Variants in FBXL17 observed in about 807,000 individuals in gnomAD.
The protein encoded by FBXL17 is F-box/LRR-repeat protein 17.
A neutral mutation model predicts 66.2 loss-of-function variants in FBXL17; 22 were observed. The ratio of observed to expected loss-of-function variants is 0.33; its 90% confidence interval spans 0.24 to 0.47. The LOEUF is 0.47. Ranked by LOEUF, FBXL17 falls within the 20% of genes least tolerant of loss-of-function variation. The probability of loss-of-function intolerance (pLI) is 1.00; values close to 1 mark genes in which losing one functional copy is unlikely to be tolerated. For missense variants in FBXL17, 878 were observed against 948.2 expected (o/e 0.93, Z 0.97); for synonymous variants, 474 against 400.5 (o/e 1.18, Z -2.19).
rs935687429 is a variant in FBXL17 at position 108,026,000 on chromosome 5, A to G, written c.1746-4999T>C. ...TAATCCAATCCCAGTGCAGTAAACGAATGGGTATAATTTATAGGTTTACTC... is the reference window on the plus strand; with the variant it reads ...TAATCCAATCCCAGTGCAGTAAACGGATGGGTATAATTTATAGGTTTACTC... On this transcript the variant is annotated intron_variant, in intron 6 of 8. Coordinates refer to ENST00000542267, the MANE Select transcript of FBXL17 (RefSeq NM_001163315.3). Among the ~76,000 whole-genome samples the G allele has an allele frequency of 2.6e-5, 4 of 152,306 alleles. No homozygotes were observed. In the East Asian group the frequency reaches 7.7e-4, roughly 29 times the overall value.
chr5:107,874,849 C>T (rs1018128939), intron 8 of FBXL17, among the ~76,000 whole-genome samples: 2 of 152,158 alleles, frequency 1.3e-5, no homozygotes, highest in African/African-American at 2.4e-5. Context: ...TAAAGTGCTC[C>T]TATGTGAAAA....
intron 6 of FBXL17, among the ~76,000 whole-genome samples, chr5:108,086,264 C>G (rs966536596): frequency 6.6e-6 from 1 of 152,092 alleles, no homozygotes; most frequent in Non-Finnish European, 1.5e-5. Flanking sequence ...AGTCCTGCCC[C>G]ATAATCGGGA....
intron 7 of FBXL17, among the ~76,000 whole-genome samples, chr5:107,945,924 T>A (rs952935829): frequency 6.6e-6 from 1 of 152,036 alleles, no homozygotes; most frequent in Non-Finnish European, 1.5e-5. Flanking sequence ...AGACAACCAT[T>A]TTTGGAGGAA....
At chr5:108,214,982 C>G (rs1468489258) in intron 5 of FBXL17, among the ~76,000 whole-genome samples, 1 of 152,146 alleles carries the variant, frequency 6.6e-6, no homozygotes, top group Non-Finnish European at 1.5e-5. Flanking sequence ...TGTAGCTATC[C>G]TCTTTATCAT....
At chr5:108,177,932 T>TATATATATATATATATATATATATAC (rs1242739302) in intron 6 of FBXL17, among the ~76,000 whole-genome samples, 33 of 126,856 alleles carry the variant, frequency 2.6e-4, no homozygotes, top group African/African-American at 8.8e-4. Flanking sequence ...TATATATATA[T>TATATATATATATATATATATATATAC]ACACACACAC....
chr5:108,147,768 C>A (rs1318582087), intron 6 of FBXL17, among the ~76,000 whole-genome samples: 3 of 151,688 alleles, frequency 2.0e-5, no homozygotes, highest in Non-Finnish European at 4.4e-5. Flanking sequence ...CTGCATGATA[C>A]CAAAGATAGA....
intron 4 of FBXL17, among the ~76,000 whole-genome samples, chr5:108,256,458 C>T (rs1467941938): frequency 6.6e-6 from 1 of 152,002 alleles, no homozygotes. Flanking sequence ...CTTGTCTTTC[C>T]ACACCACCTC....
intron 4 of FBXL17, among the ~76,000 whole-genome samples, chr5:108,272,411 TG>T (rs1757314668): frequency 1.3e-5 from 2 of 151,948 alleles, no homozygotes; most frequent in African/African-American, 4.8e-5. Flanking sequence ...TGGATTGCAG[TG>T]GCACAATCTC....
chr5:108,342,669 G>A (rs1580852712), intron 4 of FBXL17, among the ~76,000 whole-genome samples: 1 of 152,224 alleles, frequency 6.6e-6, no homozygotes, highest in East Asian at 1.9e-4. Flanking sequence ...TTTTGACTTT[G>A]ACACCCACCT....
intron 7 of FBXL17, among the ~76,000 whole-genome samples, chr5:107,982,667 A>T (rs867465199): frequency 6.6e-6 from 1 of 152,204 alleles, no homozygotes; most frequent in Non-Finnish European, 1.5e-5. Flanking sequence ...ATACATCCTG[A>T]TTATAATGTC....
intron 4 of FBXL17, among the ~76,000 whole-genome samples, chr5:108,331,354 G>A (rs1263820744): frequency 6.6e-6 from 1 of 152,144 alleles, no homozygotes; most frequent in African/African-American, 2.4e-5. Context: ...TCCATCTGTA[G>A]TGAAAGCAAA....
intron 7 of FBXL17, among the ~76,000 whole-genome samples, chr5:107,885,680 G>T (rs1483262980): frequency 1.3e-5 from 2 of 152,228 alleles, no homozygotes; most frequent in East Asian, 3.9e-4. Context: ...TATATGATGT[G>T]CTACCACCCT....
intron 4 of FBXL17, among the ~76,000 whole-genome samples, chr5:108,314,803 T>C (rs1759283861): frequency 6.6e-6 from 1 of 151,532 alleles, no homozygotes; most frequent in African/African-American, 2.4e-5. Flanking sequence ...TTTTATAATT[T>C]ATAAATTACT....
intron 4 of FBXL17, among the ~76,000 whole-genome samples, chr5:108,242,512 G>C (rs10076022): frequency 0.38 from 57,267 of 151,852 alleles, 11,048 homozygotes; most frequent in East Asian, 0.66. Flanking sequence ...GTAAGCCACT[G>C]TGTCTGGCCT....
intron 7 of FBXL17, among the ~76,000 whole-genome samples, chr5:107,986,927 A>G (rs1753032692): frequency 6.6e-6 from 1 of 152,028 alleles, no homozygotes; most frequent in Non-Finnish European, 1.5e-5. Flanking sequence ...ATGGTTGATC[A>G]CTTTTTTTTT....
intron 6 of FBXL17, among the ~76,000 whole-genome samples, chr5:108,064,108 C>T (rs1187805369): frequency 6.6e-6 from 1 of 151,990 alleles, no homozygotes; most frequent in East Asian, 1.9e-4. Context: ...AACTTTCACT[C>T]GATATTTTAA....
chr5:108,154,614 T>TACACAC (rs1268642771), intron 6 of FBXL17, among the ~76,000 whole-genome samples: 33 of 98,290 alleles, frequency 3.4e-4, no homozygotes, highest in Admixed American at 1.6e-3. Flanking sequence ...AAAATATATA[T>TACACAC]ATACACACAC....
chr5:108,214,250 A>G (rs1454880939), intron 5 of FBXL17, among the ~76,000 whole-genome samples: 1 of 152,204 alleles, frequency 6.6e-6, no homozygotes, highest in African/African-American at 2.4e-5. Context: ...TAAGGCATCC[A>G]CTGGGGGTTG....
At chr5:108,200,157 G>A (rs968398128) in intron 5 of FBXL17, among the ~76,000 whole-genome samples, 4 of 152,150 alleles carry the variant, frequency 2.6e-5, no homozygotes, top group African/African-American at 4.8e-5. Flanking sequence ...GGTGTTGCCA[G>A]AAATGCTACC....
Sources: gnomAD v4.1 joint callset for allele counts (sites outside exome capture counted in the v4.1 genomes callset) on GRCh38, gnomAD v4.1.1 for gene constraint, MANE v1.5 for transcripts, NCBI Gene and HGNC (gene_info 2026-07-23, HGNC 2026-07-21) for gene names.